The following NEBL variants were observed in gnomAD, a reference collection of about 807,000 sequenced individuals.
NEBL encodes the protein LIM and SH3 protein 2.
NEBL carries 122 observed loss-of-function variants against 140.2 expected under a neutral mutation model. The ratio of observed to expected loss-of-function variants is 0.87; its 90% CI spans 0.75 to 1.01. The LOEUF is 1.01. Among genes scored for constraint, NEBL ranks in the 50% least tolerant of loss-of-function variants. NEBL has a pLI of 0.00. For missense variants in NEBL, 1,365 were observed against 1,231.3 expected, an observed-to-expected ratio of 1.11 and a Z score of -1.62; for synonymous variants, 436 against 398.9, an observed-to-expected ratio of 1.09 and a Z score of -1.11.
In NEBL at chr10:21,262,244, T is replaced by C. The variant is rs1842748477; in HGVS notation, n.183-10416A>G. Among the ~76,000 whole-genome samples, 3 of 151,812 alleles carry C rather than the reference T, an allele frequency of 2.0e-5. No homozygotes were observed. The South Asian group carries it at 6.3e-4, about 32-fold the overall frequency. On this transcript the variant is annotated intron_variant and non_coding_transcript_variant, in intron 1 of 8. Coordinates refer to the NEBL transcript ENST00000675702. ...ATGAAGGACGCTGGCCTGAGGAAAA[T>C]GTCGGAGGAGGATCGCTGTGTCTCT... is the stretch of plus-strand genomic sequence containing the variant.
chr10:21,154,899 T>G (rs767044984), intron 2 of NEBL, among the ~76,000 whole-genome samples: 24 of 152,138 alleles, frequency 1.6e-4, no homozygotes, highest in Non-Finnish European at 2.9e-4. Flanking sequence ...AGGCATACAA[T>G]GCATAATAAT....
intron 3 of NEBL, among the ~76,000 whole-genome samples, chr10:21,218,706 A>C (rs1241121344): frequency 6.6e-6 from 1 of 152,168 alleles, no homozygotes; most frequent in East Asian, 1.9e-4. Context: ...ATCTACATGC[A>C]CTGGGAGGTC....
At chr10:20,812,140 G>T (rs1181344876) in intron 24 of NEBL, among the ~76,000 whole-genome samples, 1 of 152,116 alleles carries the variant, frequency 6.6e-6, no homozygotes, top group Non-Finnish European at 1.5e-5. Flanking sequence ...TTTGATAAAA[G>T]GACCTAAACG....
chr10:20,937,930 A>T (rs978372833), intron 4 of NEBL, among the ~76,000 whole-genome samples: 2 of 152,184 alleles, frequency 1.3e-5, no homozygotes, highest in Non-Finnish European at 2.9e-5. Flanking sequence ...GTAGGTAAAC[A>T]AAGCGGCCAG....
intron 24 of NEBL, among the ~76,000 whole-genome samples, chr10:20,812,512 G>A (rs1314595572): frequency 2.1e-5 from 3 of 144,512 alleles, no homozygotes; most frequent in African/African-American, 7.7e-5. Context: ...GATACAAGGA[G>A]GAACATTCTT....
chr10:21,126,012 T>TCTCC (rs1463565068), intron 2 of NEBL: 1 of 1,614,096 alleles, frequency 6.2e-7, no homozygotes, highest in Non-Finnish European at 8.5e-7. Flanking sequence ...TGAAGCTGAC[T>TCTCC]CTCCGCAGCC....
intron 4 of NEBL, among the ~76,000 whole-genome samples, chr10:20,923,535 C>A (rs963274329): frequency 6.6e-6 from 1 of 151,140 alleles, no homozygotes; most frequent in African/African-American, 2.4e-5. Flanking sequence ...AAAAATTAGC[C>A]GGGCATAGTG....
intron 4 of NEBL, among the ~76,000 whole-genome samples, chr10:20,947,274 T>C (rs372842924): frequency 4.5e-4 from 69 of 152,222 alleles, no homozygotes; most frequent in African/African-American, 1.5e-3. Flanking sequence ...TTAGGGGAGT[T>C]GTAGGGTAAC....
intron 3 of NEBL, among the ~76,000 whole-genome samples, chr10:21,200,107 T>C (rs1371987717): frequency 6.6e-6 from 1 of 151,842 alleles, no homozygotes; most frequent in Non-Finnish European, 1.5e-5. Flanking sequence ...TTAATGGTGT[T>C]TCCATTTCTG....
At chr10:20,903,517 A>G (rs1393582375) in intron 4 of NEBL, among the ~76,000 whole-genome samples, 1 of 152,194 alleles carries the variant, frequency 6.6e-6, no homozygotes, top group Non-Finnish European at 1.5e-5. Flanking sequence ...ACTACTGGGT[A>G]TCTACCCAAA....
At chr10:21,073,419 C>G (rs980839580) in intron 2 of NEBL, among the ~76,000 whole-genome samples, 1 of 151,170 alleles carries the variant, frequency 6.6e-6, no homozygotes, top group African/African-American at 2.4e-5. Flanking sequence ...GAGTTCAAGA[C>G]CAACCTGGCC....
At chr10:20,833,971 T>C (rs560296135) in intron 14 of NEBL, among the ~76,000 whole-genome samples, 56 of 152,184 alleles carry the variant, frequency 3.7e-4, no homozygotes, top group South Asian at 2.7e-3. Flanking sequence ...GTTGGCGCCA[T>C]TTGAAGATTG....
At chr10:21,166,198 C>T (rs1398724897) in intron 2 of NEBL, among the ~76,000 whole-genome samples, 2 of 118,926 alleles carry the variant, frequency 1.7e-5, no homozygotes, top group East Asian at 2.5e-4. Context: ...CCAGCCTGGG[C>T]GACAGAGCGA....
intron 3 of NEBL, among the ~76,000 whole-genome samples, chr10:21,216,124 A>C (rs992454760): frequency 1.3e-5 from 2 of 152,166 alleles, no homozygotes; most frequent in African/African-American, 4.8e-5. Context: ...GCAGTAGGGT[A>C]CTGCTGAAAC....
intron 2 of NEBL, chr10:21,113,426 A>C: frequency 4.7e-6 from 2 of 421,890 alleles, no homozygotes; most frequent in Non-Finnish European, 8.9e-6. Flanking sequence ...AAGTTCATCA[A>C]TTATGTGAAG....
At chr10:20,985,774 G>A (rs1271364204) in intron 3 of NEBL, among the ~76,000 whole-genome samples, 2 of 152,102 alleles carry the variant, frequency 1.3e-5, no homozygotes, top group East Asian at 3.8e-4. Context: ...AAAAAGGTAA[G>A]TGAAAGCTAT....
chr10:20,885,489 T>C (rs889693340), intron 4 of NEBL, among the ~76,000 whole-genome samples: 2 of 152,234 alleles, frequency 1.3e-5, no homozygotes, highest in African/African-American at 2.4e-5. Context: ...TAGGATAACA[T>C]GCTAACAATG....
intron 3 of NEBL, among the ~76,000 whole-genome samples, chr10:20,976,152 T>C (rs531530299): frequency 1.2e-3 from 178 of 151,576 alleles, no homozygotes; most frequent in Admixed American, 2.1e-3. Context: ...CTAGCCAACA[T>C]GGTGAAACCC....
At chr10:21,133,640 C>A (rs764086308) in intron 2 of NEBL, among the ~76,000 whole-genome samples, 2 of 152,168 alleles carry the variant, frequency 1.3e-5, no homozygotes, top group Non-Finnish European at 2.9e-5. Flanking sequence ...GCATATGGCA[C>A]GTTGTGAACA....
Sources: allele counts gnomAD v4.1 joint callset (sites outside exome capture counted in the v4.1 genomes callset), GRCh38; gene constraint gnomAD v4.1.1; transcripts MANE v1.5; gene names NCBI Gene and HGNC (gene_info 2026-07-23, HGNC 2026-07-21).